Variants in PRKN observed in about 807,000 individuals in gnomAD.
The protein encoded by PRKN is E3 ubiquitin-protein ligase parkin.
In PRKN, 56 loss-of-function variants were observed where a neutral mutation model predicts 59.5. The ratio of observed to expected loss-of-function variants is 0.94; its 90% CI spans 0.76 to 1.18. The LOEUF (loss-of-function observed/expected upper bound fraction) is 1.18, where lower values mean the gene tolerates loss of function less well. PRKN is among the 50% of genes most tolerant of loss of function. The probability of loss-of-function intolerance (pLI) is 0.00; values close to 1 mark genes in which losing one functional copy is unlikely to be tolerated. For synonymous variants in PRKN, 250 were observed against 222.1 expected (o/e 1.13, Z -1.12); for missense variants, 657 against 596.4 (o/e 1.10, Z -1.06).
At chr6:162,032,582 C>A (rs1434377895) in intron 5 of PRKN, among the ~76,000 whole-genome samples, 3 of 152,106 alleles carry the variant, frequency 2.0e-5, no homozygotes, top group Non-Finnish European at 4.4e-5. Context: ...ACGTATATAA[C>A]CTCATTCCTT....
intron 2 of PRKN, among the ~76,000 whole-genome samples, chr6:162,386,830 A>G (rs141327471): frequency 6.6e-6 from 1 of 152,358 alleles, no homozygotes; most frequent in East Asian, 1.9e-4. Context: ...TTCAAACTCA[A>G]TCTAAACCTT....
intron 1 of PRKN, among the ~76,000 whole-genome samples, chr6:162,633,085 A>G (rs1777571206): frequency 6.6e-6 from 1 of 151,936 alleles, no homozygotes; most frequent in African/African-American, 2.4e-5. Flanking sequence ...TTTAGGATTC[A>G]TTGCTATTCC....
chr6:162,497,441 G>A (rs941940641), intron 1 of PRKN, among the ~76,000 whole-genome samples: 2 of 152,248 alleles, frequency 1.3e-5, no homozygotes, highest in East Asian at 3.8e-4. Flanking sequence ...CAAAATGTGA[G>A]CCCAGAGATA....
At chr6:161,804,269 G>T (rs1791214925) in intron 6 of PRKN, among the ~76,000 whole-genome samples, 1 of 152,172 alleles carries the variant, frequency 6.6e-6, no homozygotes, top group African/African-American at 2.4e-5. Flanking sequence ...ATGAACTTGG[G>T]GTGATGCAGC....
At chr6:162,092,086 T>G (rs1160278946) in intron 4 of PRKN, among the ~76,000 whole-genome samples, 1 of 152,154 alleles carries the variant, frequency 6.6e-6, no homozygotes, top group East Asian at 1.9e-4. Context: ...CCAGGTGCAG[T>G]GGCTCACTCC....
Position 162,241,579 on chromosome 6 carries a change from G to GA in PRKN, c.412+20945dup, listed in dbSNP as rs78704260. ...TATATTGATAGGCATGATTTGGTGG[G>GA]AAAAAAAGAAACATTGTCACTTTAA... On this transcript the variant is annotated intron_variant, in intron 3 of 11. Transcript: ENST00000366898. Among the ~76,000 whole-genome samples, 81 of 151,972 alleles carry GA rather than the reference G, an allele frequency of 5.3e-4. 1 individual carries two copies. The highest frequency in any genetic ancestry group is 1.9e-3 in the Admixed American group (29 of 15,262).
chr6:161,407,467 T>C lies in PRKN; in HGVS notation c.1084-20590A>G, dbSNP rs2114994442. Among the ~76,000 whole-genome samples, 1 of 152,142 alleles carries C rather than the reference T, an allele frequency of 6.6e-6. No individual in the cohort carries two copies. Among genetic ancestry groups the C allele is most frequent in the South Asian group, 2.1e-4 (1 of 4,820 alleles). Reference sequence around the variant, plus strand: ...ATGGTAAAAAGCACCTTCAATTTAATAGTGGCTTGACCAAAGAAAGAAAAG... The same window carrying C: ...ATGGTAAAAAGCACCTTCAATTTAACAGTGGCTTGACCAAAGAAAGAAAAG... On this transcript the variant is annotated intron_variant, in intron 9 of 11. Coordinates refer to ENST00000366898, the MANE Select transcript of PRKN (RefSeq NM_004562.3). This position sits in a 1 kb window ranked among gnomAD's most constrained non-coding sequence, Gnocchi z 4.9.
At chr6:161,849,650 T>C (rs1793343929) in intron 6 of PRKN, among the ~76,000 whole-genome samples, 1 of 152,190 alleles carries the variant, frequency 6.6e-6, no homozygotes, top group Non-Finnish European at 1.5e-5. Flanking sequence ...GTCCTCGCCA[T>C]GATCACAACC....
At chr6:162,457,260 G>GA (rs1790923718) in intron 1 of PRKN, among the ~76,000 whole-genome samples, 2 of 152,018 alleles carry the variant, frequency 1.3e-5, no homozygotes, top group South Asian at 4.1e-4. Context: ...GAATAGAAAT[G>GA]AAAAAGTTTG....
chr6:161,876,205 C>A (rs150679854), intron 6 of PRKN, among the ~76,000 whole-genome samples: 1 of 152,168 alleles, frequency 6.6e-6, no homozygotes. Context: ...TACACTGCTT[C>A]TTCTGGGTAC....
At chr6:162,357,888 T>C in intron 2 of PRKN, among the ~76,000 whole-genome samples, 1 of 152,134 alleles carries the variant, frequency 6.6e-6, no homozygotes, top group Admixed American at 6.6e-5. Flanking sequence ...GAAAGATCAG[T>C]GATTGCCACA....
intron 3 of PRKN, among the ~76,000 whole-genome samples, chr6:162,220,271 A>G (rs1562590815): frequency 6.6e-6 from 1 of 152,170 alleles, no homozygotes. Flanking sequence ...AGGCCTTGGT[A>G]AAGAATGTAT....
At chr6:161,564,911 T>G (rs1370552343) in intron 8 of PRKN, among the ~76,000 whole-genome samples, 4 of 152,244 alleles carry the variant, frequency 2.6e-5, no homozygotes, top group Admixed American at 6.5e-5. Flanking sequence ...ACCTCGTCGG[T>G]GCTGACCATG....
At chr6:162,204,716 T>TG (rs1447110048) in intron 3 of PRKN, among the ~76,000 whole-genome samples, 2 of 150,642 alleles carry the variant, frequency 1.3e-5, no homozygotes, top group East Asian at 3.9e-4. Flanking sequence ...GAAGTTTTGT[T>TG]TTTTTTTTTT....
chr6:161,869,277 T>G (rs2000592), intron 6 of PRKN, among the ~76,000 whole-genome samples: 126,493 of 152,072 alleles, frequency 0.83, 52,769 homozygotes, highest in Middle Eastern at 0.85. Flanking sequence ...TACTCATGAG[T>G]CTGAGGCAGG....
chr6:162,553,550 A>AG (rs1779415814), intron 1 of PRKN, among the ~76,000 whole-genome samples: 1 of 144,800 alleles, frequency 6.9e-6, no homozygotes, highest in Non-Finnish European at 1.5e-5. Context: ...ACCAAAAAAA[A>AG]AAAAAAACAC....
In PRKN at chr6:161,548,834, G is replaced by T; in HGVS notation, c.1083+20C>A. On this transcript the variant is annotated intron_variant, in intron 9 of 11. Transcript: ENST00000366898. This position sits in a 1 kb window ranked among gnomAD's most constrained non-coding sequence, Gnocchi z 4.2. ...ACAAGGACAGGAACACACCGCTCCA[G>T]GGGTGTGGGCAGTACTCACCCCACA... The T allele has an allele frequency of 6.2e-7, 1 of 1,612,328 alleles. No homozygotes were observed. The highest frequency in any genetic ancestry group is 8.5e-7 in the Non-Finnish European group (1 of 1,178,358).
chr6:162,666,239 C>T lies in PRKN; in HGVS notation c.7+61423G>A, dbSNP rs192362921. ...TGTGAGATACACTGTGGTTAGAATG[C>T]GGCATGCTTTATAAGTCTGAGGATC... On this transcript the variant is annotated intron_variant, in intron 1 of 11. Coordinates refer to ENST00000366898, the MANE Select transcript of PRKN (RefSeq NM_004562.3). 8.5e-5 allele frequency among the ~76,000 whole-genome samples: 13 copies of T among 152,076 alleles called. No individual in the cohort carries two copies. In the East Asian group the frequency reaches 9.7e-4, roughly 11 times the overall value.
At chr6:161,605,722 C>T (rs1782256320) in intron 7 of PRKN, among the ~76,000 whole-genome samples, 1 of 152,056 alleles carries the variant, frequency 6.6e-6, no homozygotes, top group Non-Finnish European at 1.5e-5. Flanking sequence ...GTTGGCCAGG[C>T]TGGTCTCGAA....
Sources: allele counts gnomAD v4.1 joint callset (sites outside exome capture counted in the v4.1 genomes callset), GRCh38; gene constraint gnomAD v4.1.1; non-coding constraint Gnocchi (gnomAD v3.1); transcripts MANE v1.5; gene names NCBI Gene and HGNC (gene_info 2026-07-23, HGNC 2026-07-21).